MGAT5: variants seen among roughly 807,000 people sequenced by gnomAD.
MGAT5 encodes the protein alpha-1,6-mannosylglycoprotein 6-beta-N-acetylglucosaminyltransferase, also known as alpha-1,6-mannosylglycoprotein 6-beta-N-acetylglucosaminyltransferase A.
A neutral mutation model predicts 94.3 loss-of-function variants in MGAT5; 30 were observed. The observed-to-expected ratio is 0.32, with a 90% confidence interval of 0.24 to 0.43. The LOEUF (loss-of-function observed/expected upper bound fraction) is 0.43, where lower values mean the gene tolerates loss of function less well. Ranked by LOEUF, MGAT5 falls within the 20% of genes least tolerant of loss-of-function variation. MGAT5 has a pLI of 1.00. For missense variants in MGAT5, 691 were observed against 905.5 expected, an observed-to-expected ratio of 0.76 and a Z score of 3.04; for synonymous variants, 310 against 322.9, an observed-to-expected ratio of 0.96 and a Z score of 0.43.
In MGAT5 at chr2:134,279,204, G is replaced by T. The variant is rs191902971; in HGVS notation, c.406+8654G>T. ...GCTGATGGCCATGCTTTCACTTCTA[G>T]ATCACCATTTCTGCCACTTATGTGC... is the stretch of plus-strand genomic sequence containing the variant. On this transcript the variant is annotated intron_variant, in intron 2 of 15. Coordinates refer to ENST00000281923, the MANE Select transcript of MGAT5 (RefSeq NM_002410.5). Among the ~76,000 whole-genome samples the T allele has an allele frequency of 1.6e-4, 25 of 152,276 alleles. No individual in the cohort carries two copies. In the East Asian group the frequency reaches 3.9e-3, roughly 23 times the overall value.
intron 13 of MGAT5, among the ~76,000 whole-genome samples, chr2:134,425,734 A>G (rs1009117258): frequency 4.6e-5 from 7 of 152,164 alleles, no homozygotes; most frequent in African/African-American, 1.4e-4. Context: ...TGACTTGGAA[A>G]GGTGAGTTGG....
intron 1 of MGAT5, among the ~76,000 whole-genome samples, chr2:134,255,809 T>G (rs1682929489): frequency 6.6e-6 from 1 of 152,160 alleles, no homozygotes; most frequent in Admixed American, 6.5e-5. Flanking sequence ...CGATTTCAAA[T>G]CGTGATTCCC....
intron 1 of MGAT5, among the ~76,000 whole-genome samples, chr2:134,169,415 C>G (rs5023169): frequency 0.11 from 6,132 of 58,072 alleles, 334 homozygotes; most frequent in African/African-American, 0.22. Context: ...CACACACAGA[C>G]ACACACACAC....
At chr2:134,201,887 C>T (rs551572647) in intron 1 of MGAT5, among the ~76,000 whole-genome samples, 1 of 140,534 alleles carries the variant, frequency 7.1e-6, no homozygotes, top group East Asian at 2.2e-4. Context: ...CTGATTAGCA[C>T]TCTGGCTTGA....
intron 9 of MGAT5, among the ~76,000 whole-genome samples, chr2:134,353,030 T>TA (rs1439172052): frequency 6.6e-6 from 1 of 152,058 alleles, no homozygotes; most frequent in Non-Finnish European, 1.5e-5. Context: ...AGCGGAAAGG[T>TA]GGTTACCAAG....
intron 1 of MGAT5, among the ~76,000 whole-genome samples, chr2:134,239,766 T>A (rs1194353821): frequency 6.6e-6 from 1 of 152,056 alleles, no homozygotes; most frequent in Non-Finnish European, 1.5e-5. Context: ...TCTTTTTGTT[T>A]ATAATTATGA....
intron 1 of MGAT5, among the ~76,000 whole-genome samples, chr2:134,193,305 T>C (rs375462658): frequency 6.6e-6 from 1 of 152,078 alleles, no homozygotes; most frequent in South Asian, 2.1e-4. Context: ...TTTGTAGAGA[T>C]GGGGTCTCCC....
chr2:134,136,844 C>T (rs1254199419), intron 1 of MGAT5, among the ~76,000 whole-genome samples: 2 of 152,132 alleles, frequency 1.3e-5, no homozygotes, highest in East Asian at 1.9e-4. Flanking sequence ...CTGTCAGGTG[C>T]GTTTGTAGAG....
intron 1 of MGAT5, among the ~76,000 whole-genome samples, chr2:134,193,650 C>G (rs372194262): frequency 1.1e-4 from 17 of 150,718 alleles, no homozygotes; most frequent in African/African-American, 4.2e-4. Context: ...AGGGCAATCT[C>G]CCCTCTCTTA....
chr2:134,406,278 G>A (rs562330406), intron 11 of MGAT5, among the ~76,000 whole-genome samples: 1 of 152,322 alleles, frequency 6.6e-6, no homozygotes, highest in African/African-American at 2.4e-5. Context: ...CCTTTCTACA[G>A]TTGAAAACAA....
chr2:134,339,710 T>G (rs192719543), intron 6 of MGAT5, among the ~76,000 whole-genome samples: 1 of 152,266 alleles, frequency 6.6e-6, no homozygotes, highest in African/African-American at 2.4e-5. Context: ...GCTGGAATCA[T>G]TTTATGTAAG....
chr2:134,291,884 T>G (rs1364456615), intron 2 of MGAT5, among the ~76,000 whole-genome samples: 1 of 152,192 alleles, frequency 6.6e-6, no homozygotes, highest in East Asian at 1.9e-4. Context: ...TTAGGTATAG[T>G]GCTTCGTCTC....
intron 7 of MGAT5, among the ~76,000 whole-genome samples, chr2:134,344,284 T>G (rs570874236): frequency 3.5e-4 from 54 of 152,170 alleles, no homozygotes; most frequent in Non-Finnish European, 7.6e-4. Flanking sequence ...TAAAAAAAAC[T>G]GTAAACCATA....
chr2:134,388,149 A>G (rs1025102869), intron 10 of MGAT5, among the ~76,000 whole-genome samples: 18 of 152,218 alleles, frequency 1.2e-4, no homozygotes, highest in African/African-American at 4.3e-4. Context: ...AATGAAAAAG[A>G]AAGTGTTCTT....
chr2:134,413,199 C>T (rs1188534411), intron 12 of MGAT5, among the ~76,000 whole-genome samples, 184 bp downstream of exon 12: 1 of 152,156 alleles, frequency 6.6e-6, no homozygotes, highest in East Asian at 1.9e-4. Flanking sequence ...GAATCTACTT[C>T]TGCCTTCACC....
At chr2:134,160,879 T>C (rs55809533) in intron 1 of MGAT5, among the ~76,000 whole-genome samples, 2,846 of 152,288 alleles carry the variant, frequency 0.019, 29 homozygotes, top group Non-Finnish European at 0.026. Context: ...CTAGTGAGCA[T>C]TGGGTAATGG....
At chr2:134,423,845 A>G (rs62170205) in intron 13 of MGAT5, among the ~76,000 whole-genome samples, 4 of 152,280 alleles carry the variant, frequency 2.6e-5, no homozygotes, top group East Asian at 1.9e-4. Flanking sequence ...TGTTTAGTCA[A>G]TATTATGATT....
intron 6 of MGAT5, among the ~76,000 whole-genome samples, chr2:134,339,681 C>A (rs1021686828): frequency 6.6e-6 from 1 of 152,100 alleles, no homozygotes; most frequent in Non-Finnish European, 1.5e-5. Flanking sequence ...CTGAATATAT[C>A]TGACTTTGTA....
At chr2:134,334,143 G>A (rs1407720972) in intron 4 of MGAT5, among the ~76,000 whole-genome samples, 1 of 152,090 alleles carries the variant, frequency 6.6e-6, no homozygotes, top group Non-Finnish European at 1.5e-5. Flanking sequence ...GAGCCTTAGG[G>A]AGTAATACCC....
Sources: allele counts gnomAD v4.1 joint callset (sites outside exome capture counted in the v4.1 genomes callset), GRCh38; gene constraint gnomAD v4.1.1; transcripts MANE v1.5; gene names NCBI Gene and HGNC (gene_info 2026-07-23, HGNC 2026-07-21).